Variants in HEATR5B observed in about 807,000 individuals in gnomAD.
HEATR5B encodes HEAT repeat containing 5B.
HEATR5B carries 156 observed loss-of-function variants against 224.1 expected under a neutral mutation model. The ratio of observed to expected loss-of-function variants is 0.70; its 90% CI spans 0.61 to 0.80. The LOEUF (loss-of-function observed/expected upper bound fraction) is 0.80, where lower values mean the gene tolerates loss of function less well. Ranked by LOEUF, HEATR5B falls within the 30% of genes least tolerant of loss-of-function variation. The pLI, the probability that HEATR5B is intolerant of heterozygous loss-of-function variation, is 0.00. For synonymous variants in HEATR5B, 1,027 were observed against 893.0 expected, an observed-to-expected ratio of 1.15 and a Z score of -2.68; for missense variants, 2,323 against 2,535.5, an observed-to-expected ratio of 0.92 and a Z score of 1.80.
intron 30 of HEATR5B, among the ~76,000 whole-genome samples, chr2:37,004,343 G>T (rs1667277742): frequency 6.7e-6 from 1 of 150,350 alleles, no homozygotes; most frequent in African/African-American, 2.4e-5. Flanking sequence ...GATTCTTCAA[G>T]GACTCTGATC....
chr2:37,061,429 C>A (rs1174988764), intron 11 of HEATR5B, among the ~76,000 whole-genome samples: 3 of 152,096 alleles, frequency 2.0e-5, no homozygotes, highest in Non-Finnish European at 4.4e-5. Context: ...ACAGCAGCAG[C>A]TAAACATATG....
intron 21 of HEATR5B, among the ~76,000 whole-genome samples, chr2:37,035,975 C>T (rs934262841): frequency 6.6e-6 from 1 of 152,148 alleles, no homozygotes; most frequent in African/African-American, 2.4e-5. Flanking sequence ...CCTTCTAACC[C>T]TCTTCTCCAA....
chr2:36,990,540 G>T, intron 34 of HEATR5B, 108 bp downstream of exon 34: 1 of 1,024,418 alleles, frequency 9.8e-7, no homozygotes, highest in Non-Finnish European at 1.4e-6. Flanking sequence ...AAGCCATAGT[G>T]CAAATACTTA....
chr2:37,008,322 T>G, intron 28 of HEATR5B: 2 of 447,546 alleles, frequency 4.5e-6, no homozygotes, highest in Non-Finnish European at 8.2e-6. Context: ...ACATCTATGG[T>G]TATGCATAAT....
chr2:37,081,309 G>C (rs1389345513), intron 2 of HEATR5B, among the ~76,000 whole-genome samples: 2 of 152,136 alleles, frequency 1.3e-5, no homozygotes, highest in African/African-American at 4.8e-5. Flanking sequence ...CCATGTTGGT[G>C]TGCTGCACCC....
chr2:37,028,776 A>G lies in HEATR5B; in HGVS notation c.3506T>C (p.Ile1169Thr), dbSNP rs1339199721. 4 of 1,614,130 alleles carry G rather than the reference A, an allele frequency of 2.5e-6. No homozygotes were observed. The highest frequency in any genetic ancestry group is 2.2e-5 in the East Asian group (1 of 44,878). ...RETDRKLCSD[I>T]HDTLGHMLSS... ...AAGCATATGTCCCAAAGTGTCATGA[A>G]TATCAGAACATAATTTTCGATCTGT... Residue 1169 changes from isoleucine to threonine, a missense_variant, in exon 23 of 36, where the codon ATT becomes ACT. This residue lies in a region of HEATR5B where 339 missense variants were observed against 378.4 expected (regional missense o/e 0.90). Transcript: ENST00000233099.
chr2:37,074,717 C>T (rs1312150649), intron 5 of HEATR5B, among the ~76,000 whole-genome samples: 1 of 151,964 alleles, frequency 6.6e-6, no homozygotes, highest in Non-Finnish European at 1.5e-5. Flanking sequence ...ATAAAACAAC[C>T]CAATAAAACA....
At chr2:37,039,047 G>A (rs947316309) in intron 20 of HEATR5B, among the ~76,000 whole-genome samples, 14 of 152,004 alleles carry the variant, frequency 9.2e-5, no homozygotes, top group Non-Finnish European at 1.8e-4. Context: ...CGGGCTGGGC[G>A]TGGAGGCTCG....
intron 35 of HEATR5B, among the ~76,000 whole-genome samples, chr2:36,984,453 G>A (rs1039433765): frequency 2.0e-5 from 3 of 151,554 alleles, no homozygotes; most frequent in Admixed American, 2.0e-4. Context: ...CAAAACTGAG[G>A]AATACTTTGG....
At chr2:37,005,798 A>C in intron 29 of HEATR5B, 39 bp from the exon 30 acceptor site, 1 of 1,483,678 alleles carries the variant, frequency 6.7e-7, no homozygotes, top group Non-Finnish European at 9.1e-7. Context: ...TTTCACTTAT[A>C]AAACACTTTA....
At chr2:37,025,189 T>C (rs1668692716) in intron 24 of HEATR5B, among the ~76,000 whole-genome samples, 1 of 151,896 alleles carries the variant, frequency 6.6e-6, no homozygotes, top group South Asian at 2.1e-4. Flanking sequence ...TTAGAAAGGA[T>C]CCAGAACAAA....
intron 23 of HEATR5B, 32 bp from the exon 24 acceptor site, chr2:37,028,206 C>G: frequency 7.1e-7 from 1 of 1,413,482 alleles, no homozygotes; most frequent in Non-Finnish European, 9.5e-7. Flanking sequence ...TTGTAACAAT[C>G]TCACATAAGC....
Position 37,064,881 on chromosome 2 carries a change from T to C in HEATR5B, c.1443A>G (p.Thr481=), listed in dbSNP as rs1240404609. 5 of 1,613,972 alleles carry C rather than the reference T, an allele frequency of 3.1e-6. No homozygotes were observed. Among genetic ancestry groups the C allele is most frequent in the Non-Finnish European group, 4.2e-6 (5 of 1,180,014 alleles). Reference sequence around the variant, plus strand: ...GTTCTGCACACCTGTCTAGAAATGGTGTCAGCTGGAAAGGTAATGCCACAG... The same window carrying C: ...GTTCTGCACACCTGTCTAGAAATGGCGTCAGCTGGAAAGGTAATGCCACAG... ...CVAVALPFQL[T]PFLDRCAERL... is the part of the protein sequence containing the mutation. The change falls in exon 10 of 36, where the codon ACA becomes ACG. Residue 481 remains threonine (T), a synonymous_variant. Transcript: ENST00000233099.
chr2:37,076,738 T>C (rs1294928840), intron 4 of HEATR5B, among the ~76,000 whole-genome samples, 173 bp downstream of exon 4: 1 of 151,648 alleles, frequency 6.6e-6, no homozygotes, highest in Non-Finnish European at 1.5e-5. Context: ...AGAAAAGCAT[T>C]CTTTCCCTTC....
intron 35 of HEATR5B, among the ~76,000 whole-genome samples, chr2:36,985,863 GAAAAAGGGTCATTT>G (rs1665919330): frequency 6.6e-6 from 1 of 151,678 alleles, no homozygotes. Flanking sequence ...ATCTTAAACT[GAAAAAGGGTCATTT>G]ATTTCAAAGA....
intron 18 of HEATR5B, among the ~76,000 whole-genome samples, chr2:37,045,295 T>C (rs1176981605): frequency 1.3e-5 from 2 of 152,194 alleles, no homozygotes; most frequent in East Asian, 3.9e-4. Context: ...ATACAGGATA[T>C]TGTGAATTTT....
rs149680203 is a variant in HEATR5B, at chr2:37,008,688, C to A, written c.4445G>T (p.Arg1482Leu). 2.3e-5 allele frequency: 37 copies of A among 1,614,084 alleles called. No individual in the cohort carries two copies. Among genetic ancestry groups the A allele is most frequent in the Non-Finnish European group, 3.0e-5 (35 of 1,180,020 alleles). The change falls in exon 28 of 36, where the codon CGC (arginine) becomes CTC (leucine). Residue 1482 changes from arginine (R) to leucine (L), a missense_variant. Around this residue, in one of 12 missense-constraint regions of HEATR5B, gnomAD observed 844 missense variants for 812.9 expected, o/e 1.04. Coordinates refer to ENST00000233099, the MANE Select transcript of HEATR5B (RefSeq NM_019024.3). The stretch of plus-strand genomic sequence containing the variant: ...ATCTTTTAATGCTGCTAACCACAGG[C>A]GACTGAGTGTTGGTAGTTCAGGTTG... ...LVQPELPTLS[R>L]LWLAALKDYA...
chr2:36,984,828 G>A (rs1254202207), intron 35 of HEATR5B, among the ~76,000 whole-genome samples: 1 of 152,088 alleles, frequency 6.6e-6, no homozygotes, highest in Non-Finnish European at 1.5e-5. Context: ...ATTTGATGGG[G>A]AATATCAGCT....
At chr2:37,014,292 G>C (rs943553910) in intron 26 of HEATR5B, among the ~76,000 whole-genome samples, 2 of 152,054 alleles carry the variant, frequency 1.3e-5, no homozygotes, top group East Asian at 3.9e-4. Context: ...CTCCCAAGTA[G>C]CTGGGACTAC....
Sources: gnomAD v4.1 joint callset for allele counts (sites outside exome capture counted in the v4.1 genomes callset) on GRCh38, gnomAD v4.1.1 for gene constraint, gnomAD v4.1.1 regional missense constraint, MANE v1.5 for transcripts, NCBI Gene and HGNC (gene_info 2026-07-23, HGNC 2026-07-21) for gene names.